The following HYCC2 variants were observed in gnomAD, a reference collection of about 807,000 sequenced individuals.
The protein encoded by HYCC2 is hyccin PI4KA lipid kinase complex subunit 2.
the HYCC2 span, among the ~76,000 whole-genome samples, chr2:201,064,408 C>A: frequency 6.6e-6 from 1 of 151,512 alleles, no homozygotes; most frequent in Non-Finnish European, 1.5e-5. Flanking sequence ...TAAAGTTAGT[C>A]TACTCTGAAG....
chr2:201,005,933 A>C, the HYCC2 span, among the ~76,000 whole-genome samples: 1 of 151,616 alleles, frequency 6.6e-6, no homozygotes, highest in Non-Finnish European at 1.5e-5. Context: ...CCCCGGGTTC[A>C]AGCGATTCTC....
At chr2:201,019,386 T>C in the HYCC2 span, among the ~76,000 whole-genome samples, 2 of 152,120 alleles carry the variant, frequency 1.3e-5, no homozygotes, top group Non-Finnish European at 2.9e-5. Context: ...TCTGTGTTTT[T>C]TGTAAGCGAA....
At chr2:201,022,990 T>C in the HYCC2 span, 2 of 1,124,444 alleles carry the variant, frequency 1.8e-6, no homozygotes, top group Non-Finnish European at 2.7e-6. Context: ...AGGAACTTTA[T>C]TTTACACAAA....
the HYCC2 span, chr2:200,981,163 T>A: frequency 7.5e-7 from 1 of 1,325,334 alleles, no homozygotes; most frequent in South Asian, 1.4e-5. This position sits in a 1 kb window ranked among gnomAD's most constrained non-coding sequence, Gnocchi z 4.5. Context: ...CTAAATGAAA[T>A]CTGATAACAG....
At chr2:201,011,491 C>A in the HYCC2 span, 8 of 1,199,842 alleles carry the variant, frequency 6.7e-6, no homozygotes, top group Non-Finnish European at 8.9e-6. Flanking sequence ...AAAAAATATA[C>A]AAAGATAATG....
the HYCC2 span, among the ~76,000 whole-genome samples, chr2:201,034,377 T>C: frequency 6.6e-6 from 1 of 152,204 alleles, no homozygotes; most frequent in Non-Finnish European, 1.5e-5. Context: ...TCTTTGTCTC[T>C]TCTGATCTTT....
the HYCC2 span, chr2:200,987,320 C>T: frequency 7.9e-7 from 1 of 1,271,706 alleles, no homozygotes; most frequent in Non-Finnish European, 1.0e-6. Context: ...GGATCCTTCT[C>T]CAGCAACTGC....
At chr2:201,025,457 G>GAAAGA in the HYCC2 span, among the ~76,000 whole-genome samples, 4,211 of 151,096 alleles carry the variant, frequency 0.028, 207 homozygotes, top group African/African-American at 0.097. Flanking sequence ...AAAAAAGAAA[G>GAAAGA]AAAGAAAAGA....
chr2:201,026,046 A>C, the HYCC2 span, among the ~76,000 whole-genome samples: 5 of 152,184 alleles, frequency 3.3e-5, no homozygotes, highest in Admixed American at 2.6e-4. Context: ...CAAGGCCCAT[A>C]AGTATGCTGT....
At chr2:201,053,181 G>A in the HYCC2 span, among the ~76,000 whole-genome samples, 16 of 151,536 alleles carry the variant, frequency 1.1e-4, no homozygotes, top group South Asian at 3.3e-3. Flanking sequence ...GGAGCACAAT[G>A]GCGCAATCTC....
chr2:200,996,759 GAC>G, the HYCC2 span: 1 of 152,114 alleles, frequency 6.6e-6, no homozygotes. Context: ...CCAACACAGA[GAC>G]AGTTATTTAT....
the HYCC2 span, among the ~76,000 whole-genome samples, chr2:201,006,492 T>C: frequency 6.6e-6 from 1 of 151,910 alleles, no homozygotes; most frequent in Non-Finnish European, 1.5e-5. Context: ...CATTAGCACC[T>C]TGGAAGACAC....
At chr2:201,068,360 A>C in the HYCC2 span, among the ~76,000 whole-genome samples, 123 of 152,274 alleles carry the variant, frequency 8.1e-4, no homozygotes, top group Non-Finnish European at 1.6e-3. Context: ...TAAAAGTATT[A>C]GTAAATTAGT....
chr2:201,036,944 G>A, the HYCC2 span, among the ~76,000 whole-genome samples: 3 of 152,176 alleles, frequency 2.0e-5, no homozygotes, highest in Admixed American at 6.5e-5. Context: ...TAGGAAAAGA[G>A]GAAGTCAAAT....
At chr2:200,979,247 T>C in the HYCC2 span, 595 of 147,998 alleles carry the variant, frequency 4.0e-3, 1 homozygote, top group Non-Finnish European at 6.5e-3. Flanking sequence ...CTTTGTGATA[T>C]ATACATATAC....
the HYCC2 span, among the ~76,000 whole-genome samples, chr2:201,015,891 A>G: frequency 1.3e-5 from 2 of 152,172 alleles, no homozygotes; most frequent in African/African-American, 4.8e-5. Flanking sequence ...ATACCTCTTC[A>G]TAAGACCCAG....
At chr2:201,048,929 T>C in the HYCC2 span, among the ~76,000 whole-genome samples, 1 of 151,802 alleles carries the variant, frequency 6.6e-6, no homozygotes, top group Non-Finnish European at 1.5e-5. Context: ...CTGGGCAACA[T>C]GGCGAAACCC....
chr2:201,049,498 G>A, the HYCC2 span, among the ~76,000 whole-genome samples: 4 of 150,946 alleles, frequency 2.6e-5, no homozygotes, highest in East Asian at 3.9e-4. Flanking sequence ...ATACAGGCGC[G>A]TGCCACCACC....
At chr2:200,997,137 C>G in the HYCC2 span, 14 of 220,596 alleles carry the variant, frequency 6.3e-5, no homozygotes, top group Non-Finnish European at 1.1e-4. Flanking sequence ...CACCTGTGGT[C>G]CCAGCTACTT....
Sources: allele counts gnomAD v4.1 joint callset (sites outside exome capture counted in the v4.1 genomes callset), GRCh38; gene constraint gnomAD v4.1.1; non-coding constraint Gnocchi (gnomAD v3.1); transcripts MANE v1.5; gene names NCBI Gene and HGNC (gene_info 2026-07-23, HGNC 2026-07-21).